Variants in TNFRSF1A observed in about 807,000 individuals in gnomAD.
TNFRSF1A encodes tumor necrosis factor receptor superfamily member 1A.
TNFRSF1A carries 9 observed loss-of-function variants against 41.6 expected under a neutral mutation model. The observed-to-expected ratio is 0.22, with a 90% CI of 0.13 to 0.38. The LOEUF is 0.38. Ranked by LOEUF, TNFRSF1A falls within the 10% of genes least tolerant of loss-of-function variation. The pLI, the probability that TNFRSF1A is intolerant of heterozygous loss-of-function variation, is 1.00. For synonymous variants in TNFRSF1A, 254 were observed against 248.6 expected (o/e 1.02, Z -0.21); for missense variants, 463 against 591.5 (o/e 0.78, Z 2.25).
chr12:6,331,119 G>C (rs1469353511), intron 5 of TNFRSF1A, 193 bp from the exon 6 acceptor site: 2 of 640,194 alleles, frequency 3.1e-6, no homozygotes, highest in Admixed American at 2.3e-5. Context: ...GAATTGGCAG[G>C]GATCTTGAAA....
intron 1 of TNFRSF1A, among the ~76,000 whole-genome samples, chr12:6,339,841 T>TCTCACACACA (rs762783221): frequency 1.2e-3 from 131 of 113,730 alleles, no homozygotes; most frequent in African/African-American, 3.8e-3. Flanking sequence ...TCTCTCTCTC[T>TCTCACACACA]CACACACACA....
At chr12:6,330,119 G>A in intron 8 of TNFRSF1A, 53 bp from the exon 9 acceptor site, 1 of 1,612,060 alleles carries the variant, frequency 6.2e-7, no homozygotes, top group Non-Finnish European at 8.5e-7. Flanking sequence ...ACCAGCCCCG[G>A]CCCTCTTTAT....
In TNFRSF1A at chr12:6,341,909, C is replaced by T. The variant is rs1275331869; in HGVS notation, c.-95G>A. ...TTCCCGGGACTCGGTCTGTCCAGGACGTCCCAAGTGCCTTGGGGTGACAGT... is the reference window on the plus strand; with the variant it reads ...TTCCCGGGACTCGGTCTGTCCAGGATGTCCCAAGTGCCTTGGGGTGACAGT... On this transcript the variant is annotated 5_prime_UTR_variant, in exon 1 of 10. Transcript: ENST00000162749. This position sits in a 1 kb window ranked among gnomAD's most constrained non-coding sequence, Gnocchi z 4.6. 1.3e-5 allele frequency: 18 copies of T among 1,391,662 alleles called. No homozygotes were observed. The highest frequency in any genetic ancestry group is 1.4e-5 in the African/African-American group (1 of 70,582). The allele number at this position is 1,391,662 out of a possible 1,614,324, so 86.2% of individuals were successfully genotyped here.
At chr12:6,340,218 C>G (rs4149573) in intron 1 of TNFRSF1A, among the ~76,000 whole-genome samples, 13,863 of 152,254 alleles carry the variant, frequency 0.091, 693 homozygotes, top group South Asian at 0.22. Flanking sequence ...GCACCTATCA[C>G]AGTGTCTAGC....
At position 6,329,445 on chromosome 12, in the gene TNFRSF1A, G is replaced by A. The variant is rs752865275; in HGVS notation, c.1235C>T (p.Pro412Leu). 7 of 1,587,416 alleles carry A rather than the reference G, an allele frequency of 4.4e-6. No individual in the cohort carries two copies. Among genetic ancestry groups the A allele is most frequent in the South Asian group, 3.3e-5 (3 of 89,812 alleles). Residue 412 changes from proline to leucine, a missense_variant, in exon 10 of 10, where the codon CCG (proline) becomes CTG (leucine). Physicochemically the swap from Pro to Leu is moderately conservative, Grantham distance 98 (BLOSUM62 -3). Around this residue, in one of 4 missense-constraint regions of TNFRSF1A, gnomAD observed 277 missense variants for 288.8 expected, o/e 0.96. Transcript: ENST00000162749. ...CAGCTCCAGCGTGGCCTCGCGCCGCGGCGTGCGCCGCCTCCAGGTCGCCAG... is the reference window on the plus strand; with the variant it reads ...CAGCTCCAGCGTGGCCTCGCGCCGCAGCGTGCGCCGCCTCCAGGTCGCCAG... ...SMLATWRRRT[P>L]RREATLELLG...
Position 6,341,800 on chromosome 12 carries a change from G to T in TNFRSF1A, c.15C>A (p.Thr5=). Residue 5 remains threonine, a synonymous_variant, in exon 1 of 10, where the codon ACC becomes ACA. Transcript: ENST00000162749. This position sits in a 1 kb window ranked among gnomAD's most constrained non-coding sequence, Gnocchi z 4.6. ...CCAGTGGCAGCAGCAGGTCAGGCAC[G>T]GTGGAGAGGCCCATGCCAGACAGCT... MGLS[T]VPDLLLPLVL... The T allele has an allele frequency of 6.2e-7, 1 of 1,614,140 alleles. No individual in the cohort carries two copies. Among genetic ancestry groups the T allele is most frequent in the Non-Finnish European group, 8.5e-7 (1 of 1,180,008 alleles).
chr12:6,332,708 C>T (rs148451700), intron 5 of TNFRSF1A, among the ~76,000 whole-genome samples: 69 of 152,260 alleles, frequency 4.5e-4, no homozygotes, highest in African/African-American at 1.6e-3. Flanking sequence ...ACTACCCAGA[C>T]GCAAACAGAG....
chr12:6,335,898 C>T lies in TNFRSF1A; in HGVS notation c.40-1654G>A, dbSNP rs778992060. Among the ~76,000 whole-genome samples, 137 of 152,300 alleles carry T rather than the reference C, an allele frequency of 9.0e-4. 1 individual carries two copies. In the Middle Eastern group the frequency reaches 0.014, roughly 15 times the overall value. On this transcript the variant is annotated intron_variant, in intron 1 of 9. Coordinates refer to ENST00000162749, the MANE Select transcript of TNFRSF1A (RefSeq NM_001065.4). The stretch of plus-strand genomic sequence containing the variant: ...CCACACACAGAAACACAACAGCAGC[C>T]CCCGCAGGTGGAGGCGTGTGCCCCT...
At chr12:6,330,963 A>C in intron 5 of TNFRSF1A, 37 bp from the exon 6 acceptor site, 1 of 1,568,938 alleles carries the variant, frequency 6.4e-7, no homozygotes. Flanking sequence ...CAGAGGCCCT[A>C]CCATTGGAGG....
chr12:6,337,530 G>A lies in TNFRSF1A; in HGVS notation c.40-3286C>T, dbSNP rs868384731. 1.1e-4 allele frequency among the ~76,000 whole-genome samples: 16 copies of A among 152,144 alleles called. No individual in the cohort carries two copies. The highest frequency in any genetic ancestry group is 1.9e-4 in the Non-Finnish European group (13 of 68,024). Reference sequence around the variant, plus strand: ...CATGTGTCTGTTCATTTAATGTCAAGGTGTTGGGGGAGGTCGTGGCAGCTT... The same window carrying A: ...CATGTGTCTGTTCATTTAATGTCAAAGTGTTGGGGGAGGTCGTGGCAGCTT... On this transcript the variant is annotated intron_variant, in intron 1 of 9. Coordinates refer to ENST00000162749, the MANE Select transcript of TNFRSF1A (RefSeq NM_001065.4). The surrounding 1 kb of genome is among the most constrained non-coding windows in gnomAD (Gnocchi z 4.6).
In TNFRSF1A at chr12:6,341,761, T is replaced by G; in HGVS notation, c.39+15A>C. 1.2e-6 allele frequency: 2 copies of G among 1,614,062 alleles called. No individual in the cohort carries two copies. The highest frequency in any genetic ancestry group is 1.7e-6 in the Non-Finnish European group (2 of 1,179,970). ...TCGCCCACCAGCCCACTCTTCCCTT[T>G]GTCCCTGGTCTCACCAGTGGCAGCA... On this transcript the variant is annotated intron_variant, in intron 1 of 9. Coordinates refer to ENST00000162749, the MANE Select transcript of TNFRSF1A (RefSeq NM_001065.4). This position sits in a 1 kb window ranked among gnomAD's most constrained non-coding sequence, Gnocchi z 4.6.
At chr12:6,340,365 T>C (rs1256926254) in intron 1 of TNFRSF1A, among the ~76,000 whole-genome samples, 4 of 152,178 alleles carry the variant, frequency 2.6e-5, no homozygotes, top group African/African-American at 4.8e-5. Flanking sequence ...GGTTAGGTTA[T>C]ATAAGCTGCT....
Position 6,333,426 on chromosome 12 carries a change from T to C in TNFRSF1A, c.413A>G (p.Glu138Gly), listed in dbSNP as rs104895286. 11 of 1,613,952 alleles carry C rather than the reference T, an allele frequency of 6.8e-6. No individual in the cohort carries two copies. The African/African-American group carries it at 1.5e-4, about 22-fold the overall frequency. ...RKNQYRHYWS[E>G]NLFQCFNCSL... ...GCAATTGAAGCACTGGAAAAGGTTTTCACTCCAATAATGCCGGTACTGGTT... is the reference window on the plus strand; with the variant it reads ...GCAATTGAAGCACTGGAAAAGGTTTCCACTCCAATAATGCCGGTACTGGTT... Residue 138 changes from glutamate (E) to glycine (G), a missense_variant, in exon 4 of 10, where the codon GAA becomes GGA. By Grantham distance (98) the Glu-to-Gly change is moderately conservative. Around this residue, in one of 4 missense-constraint regions of TNFRSF1A, gnomAD observed 149 missense variants for 239.4 expected, o/e 0.62. Transcript: ENST00000162749. This position sits in a 1 kb window ranked among gnomAD's most constrained non-coding sequence, Gnocchi z 6.3.
At chr12:6,339,697 A>T (rs1455125322) in intron 1 of TNFRSF1A, among the ~76,000 whole-genome samples, 1 of 152,166 alleles carries the variant, frequency 6.6e-6, no homozygotes, top group East Asian at 1.9e-4. Context: ...TTGCTCTGAA[A>T]TCATTTTTCA....
intron 1 of TNFRSF1A, among the ~76,000 whole-genome samples, chr12:6,338,369 T>C (rs1173025198): frequency 6.6e-6 from 1 of 152,132 alleles, no homozygotes; most frequent in African/African-American, 2.4e-5. Context: ...CCTCTCCGCA[T>C]TCCTGGGTTG....
chr12:6,329,659 C>A (rs747997404), intron 9 of TNFRSF1A, 37 bp from the exon 10 acceptor site: 1 of 1,565,542 alleles, frequency 6.4e-7, no homozygotes, highest in South Asian at 1.2e-5. Flanking sequence ...CGGGCGGCAA[C>A]CCCAGGCCCC....
In TNFRSF1A at chr12:6,334,368, G is replaced by T; in HGVS notation, c.40-124C>A. On this transcript the variant is annotated intron_variant, in intron 1 of 9. Coordinates refer to ENST00000162749, the MANE Select transcript of TNFRSF1A (RefSeq NM_001065.4). This position sits in a 1 kb window ranked among gnomAD's most constrained non-coding sequence, Gnocchi z 5.1. The stretch of plus-strand genomic sequence containing the variant: ...CAGTGAAACATTCCGCCCAGGCCAC[G>T]CCACTCACTAAGTTTAGAGTTCTTC... 1.3e-6 allele frequency: 1 copy of T among 777,328 alleles called. No homozygotes were observed. The highest frequency in any genetic ancestry group is 2.7e-5 in the Admixed American group (1 of 37,462). The allele number at this position is 777,328 out of a possible 1,614,324, so 48.2% of individuals were successfully genotyped here.
In TNFRSF1A at chr12:6,337,255, T is replaced by G. The variant is rs1948133140; in HGVS notation, c.40-3011A>C. Among the ~76,000 whole-genome samples the G allele has an allele frequency of 6.6e-6, 1 of 152,000 alleles. No homozygotes were observed. The highest frequency in any genetic ancestry group is 2.4e-5 in the African/African-American group (1 of 41,350). ...GAAGCAAAACAGGAGAAACAGGAGG[T>G]GAGCTCTTTAGGCCCAGACTCCAGC... On this transcript the variant is annotated intron_variant, in intron 1 of 9. Transcript: ENST00000162749. The surrounding 1 kb of genome is among the most constrained non-coding windows in gnomAD (Gnocchi z 4.6).
rs1295725301 is a variant in TNFRSF1A, at chr12:6,329,906, G to A, written c.929C>T (p.Pro310Leu). 3.2e-6 allele frequency: 5 copies of A among 1,575,430 alleles called. No individual in the cohort carries two copies. The highest frequency in any genetic ancestry group is 1.7e-4 in the Middle Eastern group (1 of 6,010). ...TPGDCPNFAA[P>L]RREVAPPYQG... ...ATAGGGTGGTGCCACCTCTCTGCGG[G>A]GAGCCGCAAAGTTGGGACAGTCACC... Residue 310 changes from proline (P) to leucine (L), a missense_variant, in exon 9 of 10, where the codon CCC becomes CTC. Coordinates refer to ENST00000162749, the MANE Select transcript of TNFRSF1A (RefSeq NM_001065.4).
Sources: allele counts gnomAD v4.1 joint callset (sites outside exome capture counted in the v4.1 genomes callset), GRCh38; gene constraint gnomAD v4.1.1; regional missense constraint gnomAD v4.1.1; non-coding constraint Gnocchi (gnomAD v3.1); transcripts MANE v1.5; gene names NCBI Gene and HGNC (gene_info 2026-07-23, HGNC 2026-07-21).